Variants in FAT3 observed in about 807,000 individuals in gnomAD.
FAT3 encodes the protein protocadherin Fat 3.
A neutral mutation model predicts 310.2 loss-of-function variants in FAT3; 95 were observed. The observed-to-expected ratio is 0.31, with a 90% CI of 0.26 to 0.36. The LOEUF (loss-of-function observed/expected upper bound fraction) is 0.36. Ranked by LOEUF, FAT3 falls within the 10% of genes least tolerant of loss-of-function variation. The pLI, the probability that FAT3 is intolerant of heterozygous loss-of-function variation, is 1.00. For synonymous variants in FAT3, 2,314 were observed against 2,192.9 expected, an observed-to-expected ratio of 1.06 and a Z score of -1.54; for missense variants, 5,408 against 5,715.6, an observed-to-expected ratio of 0.95 and a Z score of 1.74.
At chr11:92,342,063 A>C (rs1483171318) in intron 1 of FAT3, among the ~76,000 whole-genome samples, 5 of 152,204 alleles carry the variant, frequency 3.3e-5, no homozygotes, top group Non-Finnish European at 7.3e-5. Flanking sequence ...ACAAGCACTT[A>C]CAAAACCACC....
chr11:92,821,255 A>G (rs1289632370), intron 13 of FAT3, among the ~76,000 whole-genome samples: 1 of 152,228 alleles, frequency 6.6e-6, no homozygotes, highest in Non-Finnish European at 1.5e-5. Flanking sequence ...AGCTGGATTG[A>G]AAAGGAGATT....
chr11:92,412,726 T>C lies in FAT3; in HGVS notation c.3292+57322T>C, dbSNP rs1190351432. Among the ~76,000 whole-genome samples, 34 of 40,794 alleles carry C rather than the reference T, an allele frequency of 8.3e-4. 1 individual carries two copies. The highest frequency in any genetic ancestry group is 2.3e-3 in the African/African-American group (32 of 13,904). The allele number at this position is 40,794 out of a possible 152,430, so 26.8% of individuals were successfully genotyped here. ...TGATATATATATATATATATATATA[T>C]ATATATATATATATATATAAATATA... On this transcript the variant is annotated intron_variant, in intron 2 of 27. Coordinates refer to ENST00000525166, the MANE Select transcript of FAT3 (RefSeq NM_001367949.2).
At chr11:92,359,992 C>T (rs932567804) in intron 2 of FAT3, among the ~76,000 whole-genome samples, 16 of 150,784 alleles carry the variant, frequency 1.1e-4, no homozygotes, top group African/African-American at 3.4e-4. Context: ...TGGGTATATA[C>T]CCAGTAATGG....
chr11:92,636,903 A>G (rs1941786813), intron 3 of FAT3, among the ~76,000 whole-genome samples: 2 of 152,212 alleles, frequency 1.3e-5, no homozygotes, highest in South Asian at 2.1e-4. Context: ...ACAAATGTCA[A>G]TATCACCCAT....
At chr11:92,758,310 C>T (rs926453560) in intron 4 of FAT3, among the ~76,000 whole-genome samples, 1 of 152,188 alleles carries the variant, frequency 6.6e-6, no homozygotes, top group African/African-American at 2.4e-5. Context: ...TAGAACTATA[C>T]ACATAGTGGC....
intron 1 of FAT3, among the ~76,000 whole-genome samples, chr11:92,245,177 T>A (rs1389921099): frequency 3.3e-5 from 5 of 152,100 alleles, no homozygotes; most frequent in African/African-American, 1.2e-4. Context: ...AAGGATGAGT[T>A]CATGTCCTTT....
At chr11:92,618,589 C>G (rs1440514768) in intron 3 of FAT3, among the ~76,000 whole-genome samples, 1 of 152,202 alleles carries the variant, frequency 6.6e-6, no homozygotes, top group Non-Finnish European at 1.5e-5. Context: ...GGAGCTGTTC[C>G]TATTCGGCCA....
intron 8 of FAT3, among the ~76,000 whole-genome samples, chr11:92,790,614 A>G (rs1171010879): frequency 6.6e-6 from 1 of 152,216 alleles, no homozygotes; most frequent in African/African-American, 2.4e-5. Flanking sequence ...AGCCTATGCA[A>G]TGCTCAGTCC....
chr11:92,331,305 T>G (rs1308929477), intron 1 of FAT3, among the ~76,000 whole-genome samples: 1 of 150,884 alleles, frequency 6.6e-6, no homozygotes, highest in African/African-American at 2.5e-5. Flanking sequence ...TTTTTCAAAA[T>G]GAGAGTTTCA....
At chr11:92,785,662 A>T (rs1258349177) in intron 7 of FAT3, among the ~76,000 whole-genome samples, 1 of 152,200 alleles carries the variant, frequency 6.6e-6, no homozygotes, top group Admixed American at 6.5e-5. Flanking sequence ...AACCTATTTA[A>T]GGAAAACTAA....
chr11:92,887,794 G>A (rs1400657412), intron 25 of FAT3, among the ~76,000 whole-genome samples: 1 of 152,150 alleles, frequency 6.6e-6, no homozygotes, highest in East Asian at 1.9e-4. Flanking sequence ...CAGCTTCGGA[G>A]GATGGGTTGT....
chr11:92,887,529 C>T (rs1373011617), intron 25 of FAT3, among the ~76,000 whole-genome samples: 1 of 152,196 alleles, frequency 6.6e-6, no homozygotes, highest in Non-Finnish European at 1.5e-5. Flanking sequence ...AGACAAAAAC[C>T]TTCTTATAGA....
intron 3 of FAT3, among the ~76,000 whole-genome samples, chr11:92,582,904 C>G (rs1224393803): frequency 1.3e-5 from 2 of 152,018 alleles, no homozygotes; most frequent in Non-Finnish European, 2.9e-5. Flanking sequence ...GGGCCAAAAG[C>G]CTAGTCACTG....
At chr11:92,548,297 T>C (rs758297779) in intron 3 of FAT3, among the ~76,000 whole-genome samples, 13 of 152,322 alleles carry the variant, frequency 8.5e-5, no homozygotes, top group Non-Finnish European at 1.6e-4. Context: ...TCACCCGTTA[T>C]GCTCTTGAGA....
intron 7 of FAT3, among the ~76,000 whole-genome samples, chr11:92,786,539 A>G (rs1946898104): frequency 6.6e-6 from 1 of 152,130 alleles, no homozygotes; most frequent in Non-Finnish European, 1.5e-5. Flanking sequence ...GGTAAATGAA[A>G]ACTATACCGA....
chr11:92,599,427 T>C (rs986455610), intron 3 of FAT3, among the ~76,000 whole-genome samples: 1 of 152,106 alleles, frequency 6.6e-6, no homozygotes, highest in Non-Finnish European at 1.5e-5. Context: ...GACCTCCTAC[T>C]AGGTTCCTCC....
intron 12 of FAT3, among the ~76,000 whole-genome samples, chr11:92,809,087 T>G (rs1028252838): frequency 6.6e-6 from 1 of 152,176 alleles, no homozygotes; most frequent in Non-Finnish European, 1.5e-5. Context: ...CATTATCTTA[T>G]GAAACTTAAA....
chr11:92,276,215 GC>G (rs1261475617), intron 1 of FAT3, among the ~76,000 whole-genome samples: 1 of 152,078 alleles, frequency 6.6e-6, no homozygotes, highest in East Asian at 1.9e-4. Flanking sequence ...TTGCCAATCA[GC>G]CTAGCAGTAT....
At chr11:92,269,819 C>A (rs1946074543) in intron 1 of FAT3, among the ~76,000 whole-genome samples, 1 of 152,090 alleles carries the variant, frequency 6.6e-6, no homozygotes, top group Non-Finnish European at 1.5e-5. Flanking sequence ...AGCCACTGTA[C>A]CCCACTTCCC....
Sources: allele counts gnomAD v4.1 joint callset (sites outside exome capture counted in the v4.1 genomes callset), GRCh38; gene constraint gnomAD v4.1.1; transcripts MANE v1.5; gene names NCBI Gene and HGNC (gene_info 2026-07-23, HGNC 2026-07-21).